The following SLC24A2 variants were observed in gnomAD, a reference collection of about 807,000 sequenced individuals.
SLC24A2 encodes sodium/potassium/calcium exchanger 2.
A neutral mutation model predicts 62.0 loss-of-function variants in SLC24A2; 36 were observed. The ratio of observed to expected loss-of-function variants is 0.58; its 90% confidence interval spans 0.44 to 0.77. The LOEUF is 0.77. SLC24A2 is among the 30% of genes least tolerant of loss of function. The probability of loss-of-function intolerance (pLI) is 0.00; values close to 1 mark genes in which losing one functional copy is unlikely to be tolerated. For synonymous variants in SLC24A2, 358 were observed against 294.0 expected (o/e 1.22, Z -2.23); for missense variants, 846 against 817.9 (o/e 1.03, Z -0.42).
chr9:19,834,673 T>G, the SLC24A2 span, among the ~76,000 whole-genome samples: 1 of 152,144 alleles, frequency 6.6e-6, no homozygotes, highest in African/African-American at 2.4e-5. Flanking sequence ...CCAGGAGAAC[T>G]TCCCCAATCT....
chr9:19,598,781 T>A (rs567961280), intron 4 of SLC24A2, among the ~76,000 whole-genome samples: 3 of 152,154 alleles, frequency 2.0e-5, no homozygotes, highest in African/African-American at 4.8e-5. Context: ...TTCATAAATA[T>A]AAAACACATA....
At chr9:19,835,186 G>A in the SLC24A2 span, among the ~76,000 whole-genome samples, 1 of 152,138 alleles carries the variant, frequency 6.6e-6, no homozygotes. Context: ...AAAATAACCA[G>A]CTAACATCAT....
At chr9:19,991,370 G>A in the SLC24A2 span, among the ~76,000 whole-genome samples, 1 of 152,132 alleles carries the variant, frequency 6.6e-6, no homozygotes, top group Non-Finnish European at 1.5e-5. Context: ...GTCCTTCCAT[G>A]TTCTTCTGCC....
intron 2 of SLC24A2, among the ~76,000 whole-genome samples, chr9:19,663,470 G>A (rs761940446): frequency 2.0e-5 from 3 of 152,036 alleles, no homozygotes; most frequent in African/African-American, 7.2e-5. Context: ...GCCCCCTTCC[G>A]CAATCTGTCA....
At chr9:19,690,460 G>A (rs1820011600) in intron 2 of SLC24A2, among the ~76,000 whole-genome samples, 1 of 152,052 alleles carries the variant, frequency 6.6e-6, no homozygotes, top group Non-Finnish European at 1.5e-5. Flanking sequence ...CTGGAAACAG[G>A]GGTTGTCTTT....
the SLC24A2 span, among the ~76,000 whole-genome samples, chr9:20,211,934 T>G: frequency 6.6e-6 from 1 of 152,120 alleles, no homozygotes; most frequent in South Asian, 2.1e-4. Context: ...TAGAGCACTA[T>G]AGAAGATAAA....
chr9:19,734,681 T>G (rs1287537158), intron 2 of SLC24A2, among the ~76,000 whole-genome samples: 1 of 152,134 alleles, frequency 6.6e-6, no homozygotes, highest in Non-Finnish European at 1.5e-5. Context: ...ATTTGGCTGT[T>G]TGTCTGTTAT....
the SLC24A2 span, among the ~76,000 whole-genome samples, chr9:19,809,581 C>T: frequency 5.9e-5 from 9 of 151,966 alleles, no homozygotes; most frequent in Non-Finnish European, 1.3e-4. Flanking sequence ...TGCAGTTGTG[C>T]CAATCATGTT....
chr9:19,625,246 G>A (rs1041016493), intron 2 of SLC24A2, among the ~76,000 whole-genome samples: 10 of 152,046 alleles, frequency 6.6e-5, no homozygotes, highest in African/African-American at 2.4e-4. Context: ...TAATATGAAA[G>A]CCCAATTCCT....
the SLC24A2 span, among the ~76,000 whole-genome samples, chr9:19,962,869 G>T: frequency 6.6e-6 from 1 of 152,144 alleles, no homozygotes; most frequent in African/African-American, 2.4e-5. Context: ...CTGCCTAACT[G>T]CCCTGGCCAG....
intron 2 of SLC24A2, among the ~76,000 whole-genome samples, chr9:19,732,580 G>A (rs111851263): frequency 7.6e-4 from 116 of 152,256 alleles, no homozygotes; most frequent in African/African-American, 2.7e-3. Context: ...AGGAACATAT[G>A]CAATGTCTTA....
intron 2 of SLC24A2, among the ~76,000 whole-genome samples, chr9:19,774,613 A>C (rs1186418288): frequency 6.6e-6 from 1 of 152,176 alleles, no homozygotes; most frequent in Non-Finnish European, 1.5e-5. Flanking sequence ...AGTGGGAAAA[A>C]CGGTGCTTCA....
intron 2 of SLC24A2, among the ~76,000 whole-genome samples, chr9:19,718,938 T>G (rs1820945331): frequency 6.6e-6 from 1 of 152,212 alleles, no homozygotes; most frequent in Admixed American, 6.5e-5. Context: ...CACATTTCCC[T>G]TGACACATTT....
At chr9:19,685,176 G>A (rs953691334) in intron 2 of SLC24A2, among the ~76,000 whole-genome samples, 1 of 151,936 alleles carries the variant, frequency 6.6e-6, no homozygotes, top group African/African-American at 2.4e-5. Flanking sequence ...ACAAAGAGAA[G>A]AAAATACCTA....
intron 2 of SLC24A2, among the ~76,000 whole-genome samples, chr9:19,675,965 C>T (rs1819548865): frequency 6.6e-6 from 1 of 152,156 alleles, no homozygotes; most frequent in African/African-American, 2.4e-5. Context: ...GCAGCACTCC[C>T]CAAGAGTACT....
chr9:19,850,969 A>T, the SLC24A2 span, among the ~76,000 whole-genome samples: 1 of 36,338 alleles, frequency 2.8e-5, no homozygotes, highest in African/African-American at 1.3e-4. Context: ...ATATATATGT[A>T]TATATATATA....
chr9:20,234,774 T>C, the SLC24A2 span, among the ~76,000 whole-genome samples: 1 of 152,196 alleles, frequency 6.6e-6, no homozygotes, highest in African/African-American at 2.4e-5. Context: ...GGTGGGGAGC[T>C]GTGTTCCTTT....
At chr9:19,839,445 G>C in the SLC24A2 span, among the ~76,000 whole-genome samples, 1 of 152,128 alleles carries the variant, frequency 6.6e-6, no homozygotes, top group Non-Finnish European at 1.5e-5. Flanking sequence ...AGGGAATGCT[G>C]TTAGGTACTA....
At chr9:19,573,703 C>T (rs918912154) in intron 6 of SLC24A2, among the ~76,000 whole-genome samples, 3 of 152,084 alleles carry the variant, frequency 2.0e-5, no homozygotes, top group African/African-American at 7.2e-5. Context: ...CCGTTCTTCC[C>T]CATGTCTTTC....
Sources: allele counts gnomAD v4.1 joint callset (sites outside exome capture counted in the v4.1 genomes callset), GRCh38; gene constraint gnomAD v4.1.1; transcripts MANE v1.5; gene names NCBI Gene and HGNC (gene_info 2026-07-23, HGNC 2026-07-21).